The following SLC25A27 variants were observed in gnomAD, a reference collection of about 807,000 sequenced individuals.
SLC25A27 encodes the protein solute carrier family 25 member 27, also known as mitochondrial uncoupling protein 4.
In SLC25A27, 35 loss-of-function variants were observed where a neutral mutation model predicts 49.1. That is an observed-to-expected ratio of 0.71 (90% confidence interval 0.54 to 0.95). The LOEUF (loss-of-function observed/expected upper bound fraction) is 0.95. SLC25A27 is among the 40% of genes least tolerant of loss of function. SLC25A27 has a pLI of 0.00. For missense variants in SLC25A27, 339 were observed against 397.1 expected, an observed-to-expected ratio of 0.85 and a Z score of 1.24; for synonymous variants, 144 against 136.9, an observed-to-expected ratio of 1.05 and a Z score of -0.36.
At chr6:46,668,606 A>T (rs766013352) in intron 5 of SLC25A27, 103 bp from the exon 6 acceptor site, 4 of 675,252 alleles carry the variant, frequency 5.9e-6, no homozygotes, top group African/African-American at 1.8e-5. Context: ...ATTCCTTGGT[A>T]GCTTTCATCC....
chr6:46,653,514 C>T (rs1405864320), intron 1 of SLC25A27: 2 of 985,314 alleles, frequency 2.0e-6, no homozygotes, highest in African/African-American at 3.5e-5. Flanking sequence ...CTAATGCTTC[C>T]CTTAGGCATG....
Position 46,676,659 on chromosome 6 carries a change from A to G in SLC25A27, c.*205A>G, listed in dbSNP as rs1457833409. ...TTTTGTCCAAAAGTGATCTGGTCGG[A>G]TCTCACAAGGCCATCCAATGAGACC... On this transcript the variant is annotated 3_prime_UTR_variant, in exon 9 of 9. Transcript: ENST00000371347. The G allele has an allele frequency of 6.4e-6, 10 of 1,550,778 alleles. No individual in the cohort carries two copies. The highest frequency in any genetic ancestry group is 1.2e-5 in the South Asian group (1 of 84,080).
Position 46,662,442 on chromosome 6 carries a change from A to G in SLC25A27, c.450A>G (p.Leu150=). The part of the protein sequence containing the change: ...IGQFLANPTD[L]VKVQMQMEGK... ...AGTTTTTAGCCAATCCAACTGACCT[A>G]GTGAAGGTTCAGATGCAAATGGAAG... is the stretch of plus-strand genomic sequence containing the variant. Residue 150 remains leucine, a synonymous_variant, in exon 4 of 9, where the codon CTA becomes CTG. Coordinates refer to ENST00000371347, the MANE Select transcript of SLC25A27 (RefSeq NM_004277.5). The G allele has an allele frequency of 6.2e-7, 1 of 1,613,992 alleles. No individual in the cohort carries two copies. The highest frequency in any genetic ancestry group is 8.5e-7 in the Non-Finnish European group (1 of 1,179,844).
chr6:46,669,409 A>G (rs909053384), intron 6 of SLC25A27, among the ~76,000 whole-genome samples: 1 of 152,220 alleles, frequency 6.6e-6, no homozygotes, highest in African/African-American at 2.4e-5. Flanking sequence ...CAAATTATCC[A>G]TTAGAATGAC....
Position 46,670,166 on chromosome 6 carries a change from G to A in SLC25A27, c.736G>A (p.Gly246Arg). Residue 246 changes from glycine (G) to arginine (R), a missense_variant, in exon 7 of 9, where the codon GGA becomes AGA. Transcript: ENST00000371347. ...LCSGLVASILGTPADVIKSRI... is the reference protein window; with the variant it reads ...LCSGLVASILRTPADVIKSRI... ...TTCTGGACTGGTAGCTTCTATTCTG[G>A]GAACACCAGCCGATGTCATCAAAAG... 6.2e-7 allele frequency: 1 copy of A among 1,612,082 alleles called. No homozygotes were observed. Among genetic ancestry groups the A allele is most frequent in the Non-Finnish European group, 8.5e-7 (1 of 1,179,294 alleles).
chr6:46,668,170 C>A (rs1374754894), intron 5 of SLC25A27, among the ~76,000 whole-genome samples: 3 of 152,060 alleles, frequency 2.0e-5, no homozygotes, highest in African/African-American at 4.8e-5. Flanking sequence ...TATAGTAAAA[C>A]CCCATCTCTA....
At chr6:46,658,532 T>G (rs1313792660) in intron 2 of SLC25A27, 2 of 447,262 alleles carry the variant, frequency 4.5e-6, no homozygotes. Context: ...TACCAAGGTA[T>G]GTACTAGGGC....
chr6:46,653,055 C>T lies in SLC25A27; in HGVS notation c.-138C>T. 1 of 793,720 alleles carries T rather than the reference C, an allele frequency of 1.3e-6. No individual in the cohort carries two copies. The highest frequency in any genetic ancestry group is 2.0e-6 in the Non-Finnish European group (1 of 492,334). The allele number at this position is 793,720 out of a possible 1,614,324, so 49.2% of individuals were successfully genotyped here. On this transcript the variant is annotated 5_prime_UTR_variant, in exon 1 of 9. Transcript: ENST00000371347. ...TAGGAAGGTTGCGGGTCCACCCGGC[C>T]GAGCCGAACGAGGGAAATGGTCCTC...
In SLC25A27 at chr6:46,668,757, C is replaced by T; in HGVS notation, c.668C>T (p.Pro223Leu). Residue 223 changes from proline to leucine, a missense_variant, in exon 6 of 9, where the codon CCA becomes CTA. Coordinates refer to ENST00000371347, the MANE Select transcript of SLC25A27 (RefSeq NM_004277.5). ...TVKHYLVLNT[P>L]LEDNIMTHGL... The stretch of plus-strand genomic sequence containing the variant: ...AAACACTACTTGGTATTGAATACAC[C>T]ACTTGAGGACAATATCATGACTCAC... 1 of 1,608,996 alleles carries T rather than the reference C, an allele frequency of 6.2e-7. No individual in the cohort carries two copies. The highest frequency in any genetic ancestry group is 8.5e-7 in the Non-Finnish European group (1 of 1,175,638).
chr6:46,667,162 T>TG (rs1763353152), intron 5 of SLC25A27, among the ~76,000 whole-genome samples: 1 of 152,210 alleles, frequency 6.6e-6, no homozygotes, highest in Non-Finnish European at 1.5e-5. Context: ...TCCCTATAAA[T>TG]GGTGCCTCTG....
rs184815307 is a variant in SLC25A27, at chr6:46,673,478, G to A, written c.900+2250G>A. 2.0e-5 allele frequency among the ~76,000 whole-genome samples: 3 copies of A among 152,314 alleles called. No individual in the cohort carries two copies. In the East Asian group the frequency reaches 5.8e-4, roughly 29 times the overall value. The stretch of plus-strand genomic sequence containing the variant: ...ACTCTGTGGGAACACAGATAGTGGA[G>A]TGGAAATGGCTATGACCATATTTGG... On this transcript the variant is annotated intron_variant, in intron 8 of 8. Coordinates refer to ENST00000371347, the MANE Select transcript of SLC25A27 (RefSeq NM_004277.5).
Position 46,664,787 on chromosome 6 carries a change from C to G in SLC25A27, c.520C>G (p.His174Asp). The change falls in exon 5 of 9, where the codon CAT becomes GAT. Residue 174 changes from histidine (H) to aspartate (D), a missense_variant. By Grantham distance (81) the His-to-Asp change is moderately conservative. Transcript: ENST00000371347. ...TATTCTCCTTAGATTTCGTGGTGTA[C>G]ATCATGCATTTGCAAAAATCTTAGC... ...EGKPLRFRGV[H>D]HAFAKILAEG... 6.3e-7 allele frequency: 1 copy of G among 1,599,472 alleles called. No homozygotes were observed. Among genetic ancestry groups the G allele is most frequent in the Non-Finnish European group, 8.5e-7 (1 of 1,170,524 alleles).
In SLC25A27 at chr6:46,655,932, GC is replaced by G; in HGVS notation, c.201del (p.Tyr68IlefsTer9). 1 of 1,613,808 alleles carries G rather than the reference GC, an allele frequency of 6.2e-7. No homozygotes were observed. Among genetic ancestry groups the G allele is most frequent in the Non-Finnish European group, 8.5e-7 (1 of 1,179,906 alleles). ...GTTGGGAGACGGTGCAAGAGAATCTGCCCCCTATAGGGGAATGGTGCGCACA... is the reference window on the plus strand; with the variant it reads ...GTTGGGAGACGGTGCAAGAGAATCTGCCCCTATAGGGGAATGGTGCGCACA... ...ARLGDGARES[A>X]PYRGMVRTAL... On this transcript the variant is annotated frameshift_variant, in exon 2 of 9. Coordinates refer to ENST00000371347, the MANE Select transcript of SLC25A27 (RefSeq NM_004277.5). LOFTEE classifies it high-confidence loss of function.
intron 1 of SLC25A27, 77 bp from the exon 2 acceptor site, chr6:46,655,766 A>G (rs765922783): frequency 2.3e-5 from 29 of 1,239,634 alleles, no homozygotes; most frequent in Non-Finnish European, 3.1e-5. Context: ...TTGGGAAAAT[A>G]TTACTCCTAT....
Position 46,655,992 on chromosome 6 carries a change from A to T in SLC25A27, c.256A>T (p.Lys86Ter). The T allele has an allele frequency of 1.9e-6, 3 of 1,612,158 alleles. No individual in the cohort carries two copies. The highest frequency in any genetic ancestry group is 1.7e-6 in the Non-Finnish European group (2 of 1,179,348). ...LGIIEEEGFL[K>*]LWQGVTPAIY... Reference sequence around the variant, plus strand: ...GATCATTGAAGAGGAAGGCTTTCTAAAGCTTTGGCAAGGAGTGACACCCGC... The same window carrying T: ...GATCATTGAAGAGGAAGGCTTTCTATAGCTTTGGCAAGGAGTGACACCCGC... The change falls in exon 2 of 9, where the codon AAG becomes TAG. Residue 86 changes from lysine (K) to a stop codon, truncating the protein, a stop_gained. Coordinates refer to ENST00000371347, the MANE Select transcript of SLC25A27 (RefSeq NM_004277.5). LOFTEE classifies it high-confidence loss of function.
Position 46,653,181 on chromosome 6 carries a change from C to G in SLC25A27, c.-12C>G. ...CGAGAAGGAGTGCGTTATCGTCTTG[C>G]GCTACTGCTGAATGTCCGTCCCGGA... On this transcript the variant is annotated 5_prime_UTR_variant, in exon 1 of 9. Transcript: ENST00000371347. 3 of 1,609,500 alleles carry G rather than the reference C, an allele frequency of 1.9e-6. No individual in the cohort carries two copies. The highest frequency in any genetic ancestry group is 2.5e-6 in the Non-Finnish European group (3 of 1,176,980).
chr6:46,653,322 C>A lies in SLC25A27; in HGVS notation c.106+24C>A, dbSNP rs1338425579. The A allele has an allele frequency of 1.3e-5, 20 of 1,598,060 alleles. No individual in the cohort carries two copies. In the Admixed American group the frequency reaches 3.5e-4, roughly 28 times the overall value. ...AGGTACCCGGCTGCCCACGCCTGGGCCTCCCGGGCCAGTGGCACGCGCCGC... is the reference window on the plus strand; with the variant it reads ...AGGTACCCGGCTGCCCACGCCTGGGACTCCCGGGCCAGTGGCACGCGCCGC... On this transcript the variant is annotated intron_variant, in intron 1 of 8. Coordinates refer to ENST00000371347, the MANE Select transcript of SLC25A27 (RefSeq NM_004277.5).
At chr6:46,662,343 G>T in intron 3 of SLC25A27, 33 bp from the exon 4 acceptor site, 1 of 1,607,314 alleles carries the variant, frequency 6.2e-7, no homozygotes, top group Admixed American at 1.7e-5. Context: ...GAAATTAATG[G>T]CAACTTTAAA....
At chr6:46,663,703 C>A (rs1763236858) in intron 4 of SLC25A27, among the ~76,000 whole-genome samples, 1 of 143,774 alleles carries the variant, frequency 7.0e-6, no homozygotes, top group South Asian at 2.3e-4. Context: ...CTTTAATAAT[C>A]AAACTCTTTA....
Sources: gnomAD v4.1 joint callset for allele counts (sites outside exome capture counted in the v4.1 genomes callset) on GRCh38, gnomAD v4.1.1 for gene constraint, MANE v1.5 for transcripts, NCBI Gene and HGNC (gene_info 2026-07-23, HGNC 2026-07-21) for gene names.